Variants in ZNF507 observed in about 807,000 individuals in gnomAD.
ZNF507 encodes the protein zinc finger protein 507.
ZNF507 carries 29 observed loss-of-function variants against 80.0 expected under a neutral mutation model. That is an observed-to-expected ratio of 0.36 (90% CI 0.27 to 0.49). The LOEUF (loss-of-function observed/expected upper bound fraction) is 0.49. Among genes scored for constraint, ZNF507 ranks in the 20% least tolerant of loss-of-function variants. The pLI is 0.98. For missense variants in ZNF507, 1,081 were observed against 1,152.2 expected (o/e 0.94, Z 0.90); for synonymous variants, 462 against 422.5 (o/e 1.09, Z -1.15).
chr19:32,380,763 G>T, intron 5 of ZNF507: 1 of 813,060 alleles, frequency 1.2e-6, no homozygotes, highest in Non-Finnish European at 2.0e-6. Context: ...TTGCCCAAAT[G>T]ATGACAACTT....
In ZNF507 at chr19:32,360,628, A is replaced by G; in HGVS notation, c.2360+10A>G. On this transcript the variant is annotated intron_variant, in intron 5 of 6. Coordinates refer to ENST00000355898, the MANE Select transcript of ZNF507 (RefSeq NM_001136156.2). ...CTGATAAGCCGTACAGGTAAGTGTT[A>G]TGATTCTAGAATTTTAATGTTTGTA... 7.0e-7 allele frequency: 1 copy of G among 1,437,590 alleles called. No individual in the cohort carries two copies. 89.1% of individuals were successfully genotyped at this position (1,437,590 alleles called of 1,614,324 possible).
intron 5 of ZNF507, among the ~76,000 whole-genome samples, chr19:32,363,414 C>T (rs565758554): frequency 3.9e-5 from 6 of 152,278 alleles, no homozygotes; most frequent in African/African-American, 9.6e-5. Flanking sequence ...GTTCCTTTCT[C>T]GTGCTTTTGC....
intron 2 of ZNF507, among the ~76,000 whole-genome samples, chr19:32,348,386 C>G (rs184201676): frequency 1.3e-5 from 2 of 151,738 alleles, no homozygotes; most frequent in African/African-American, 4.8e-5. Flanking sequence ...TACTTTTCTT[C>G]ATATAAACAC....
At chr19:32,351,759 C>G (rs935301790) in intron 2 of ZNF507, among the ~76,000 whole-genome samples, 2 of 151,662 alleles carry the variant, frequency 1.3e-5, no homozygotes, top group African/African-American at 4.9e-5. Context: ...CCAGAATGCA[C>G]CTAAAATGTG....
At chr19:32,370,106 G>C (rs950792385) in intron 5 of ZNF507, among the ~76,000 whole-genome samples, 2 of 152,254 alleles carry the variant, frequency 1.3e-5, no homozygotes, top group Non-Finnish European at 2.9e-5. Flanking sequence ...GCGTGCATAC[G>C]TGTGTGCGCA....
Position 32,354,746 on chromosome 19 carries a change from G to C in ZNF507, c.1916G>C (p.Arg639Pro). 2 of 1,614,148 alleles carry C rather than the reference G, an allele frequency of 1.2e-6. No individual in the cohort carries two copies. The highest frequency in any genetic ancestry group is 1.1e-5 in the South Asian group (1 of 91,074). ...GTGGAATACATCCCGAATGCTGAAC[G>C]ACCCTACCGTTGCCGCCTGTGTCAC... Reference protein sequence around the residue: ...NVVEYIPNAERPYRCRLCHYT... With the variant: ...NVVEYIPNAEPPYRCRLCHYT... Residue 639 changes from arginine (R) to proline (P), a missense_variant, in exon 3 of 7, where the codon CGA becomes CCA. Physicochemically the swap from Arg to Pro is moderately radical, Grantham distance 103. This residue lies in a region of ZNF507 where 614 missense variants were observed against 583.9 expected (regional missense o/e 1.05). Transcript: ENST00000355898.
At chr19:32,368,858 GTTGT>G (rs1568307385) in intron 5 of ZNF507, among the ~76,000 whole-genome samples, 1 of 152,138 alleles carries the variant, frequency 6.6e-6, no homozygotes, top group African/African-American at 2.4e-5. Context: ...TATTGAAATC[GTTGT>G]TTATGTGTTC....
intron 2 of ZNF507, among the ~76,000 whole-genome samples, chr19:32,349,920 A>G (rs1021080846): frequency 6.6e-6 from 1 of 152,202 alleles, no homozygotes. Context: ...AGTATCACCA[A>G]GGTAATTGTT....
Position 32,354,452 on chromosome 19 carries a change from C to T in ZNF507, c.1622C>T (p.Ser541Leu). ...GTAGATAGTACATTGGCAGCGTACT[C>T]AAAAATGATGTCGCCACTTAAAAAC... ...RQVDSTLAAY[S>L]KMMSPLKNSS... The change falls in exon 3 of 7, where the codon TCA becomes TTA. Residue 541 changes from serine to leucine, a missense_variant. Transcript: ENST00000355898. 1 of 1,614,082 alleles carries T rather than the reference C, an allele frequency of 6.2e-7. No individual in the cohort carries two copies. The highest frequency in any genetic ancestry group is 8.5e-7 in the Non-Finnish European group (1 of 1,180,018).
At chr19:32,351,471 G>GTGT (rs56408758) in intron 2 of ZNF507, among the ~76,000 whole-genome samples, 109 of 123,254 alleles carry the variant, frequency 8.8e-4, no homozygotes, top group Non-Finnish European at 1.0e-3. Context: ...GTGTGTGTGT[G>GTGT]GCGTGGGGGG....
chr19:32,375,394 A>T (rs773925712), intron 5 of ZNF507, among the ~76,000 whole-genome samples: 2 of 152,238 alleles, frequency 1.3e-5, no homozygotes, highest in African/African-American at 4.8e-5. Context: ...CACAAGAAAC[A>T]TGAAGGACAC....
intron 4 of ZNF507, chr19:32,358,913 A>G (rs752422806): frequency 6.6e-6 from 1 of 152,254 alleles, no homozygotes; most frequent in Non-Finnish European, 1.5e-5. Flanking sequence ...ACTGGTAGAA[A>G]GTGGCAGAGC....
Position 32,345,776 on chromosome 19 carries a change from G to T in ZNF507, c.-104G>T. On this transcript the variant is annotated 5_prime_UTR_variant, in exon 1 of 7. An upstream open reading frame in the 5' UTR loses its in-frame stop. Transcript: ENST00000355898. The stretch of plus-strand genomic sequence containing the variant: ...CTCGCGGAAGCAGCAGCCGCCGCCT[G>T]ACCGCAGGTACCGCGCCCCGGGGCC... The T allele has an allele frequency of 6.5e-6, 1 of 154,486 alleles. No individual in the cohort carries two copies. Among genetic ancestry groups the T allele is most frequent in the South Asian group, 1.9e-4 (1 of 5,222 alleles). 9.6% of individuals were successfully genotyped at this position (154,486 alleles called of 1,614,324 possible). A position where few individuals can be genotyped will look rare whatever the true frequency, so the allele number is the denominator to read the frequency against.
In ZNF507 at chr19:32,354,194, T is replaced by A. The variant is rs368028755; in HGVS notation, c.1364T>A (p.Ile455Asn). ...DKCTVDIGGL[I>N]IGWSSSEKKD... Reference sequence around the variant, plus strand: ...TGTACTGTTGATATTGGGGGATTGATCATAGGCTGGAGCAGTTCAGAGAAA... The same window carrying A: ...TGTACTGTTGATATTGGGGGATTGAACATAGGCTGGAGCAGTTCAGAGAAA... The change falls in exon 3 of 7, where the codon ATC (isoleucine) becomes AAC (asparagine). Residue 455 changes from isoleucine to asparagine, a missense_variant. Physicochemically the swap from Ile to Asn is moderately radical, Grantham distance 149. Around this residue, in one of 6 missense-constraint regions of ZNF507, gnomAD observed 614 missense variants for 583.9 expected, o/e 1.05. Transcript: ENST00000355898. The A allele has an allele frequency of 4.3e-6, 7 of 1,613,408 alleles. No individual in the cohort carries two copies. Among genetic ancestry groups the A allele is most frequent in the Non-Finnish European group, 5.9e-6 (7 of 1,180,034 alleles).
chr19:32,375,715 A>G (rs981390040), intron 5 of ZNF507, among the ~76,000 whole-genome samples: 4 of 152,244 alleles, frequency 2.6e-5, no homozygotes, highest in Admixed American at 2.0e-4. Flanking sequence ...GTACGGATTC[A>G]TCACTTTTAT....
chr19:32,382,395 T>TA (rs943985307), intron 5 of ZNF507, 72 bp from the exon 6 acceptor site: 47 of 1,565,334 alleles, frequency 3.0e-5, no homozygotes, highest in Non-Finnish European at 3.7e-5. Context: ...TAATAATTGT[T>TA]ACAGAATCAT....
At position 32,385,512 on chromosome 19, in the gene ZNF507, T is replaced by G. The variant is rs1313735679; in HGVS notation, c.*2429T>G. On this transcript the variant is annotated 3_prime_UTR_variant, in exon 7 of 7. Transcript: ENST00000355898. ...TATGCAATTCTAACTGTAGAAGAGA[T>G]AGCTATTAAAATAATCAGTAGCCTG... 4 of 152,170 alleles carry G rather than the reference T, an allele frequency of 2.6e-5. No homozygotes were observed. The East Asian group carries it at 7.7e-4, about 29-fold the overall frequency. 9.4% of individuals were successfully genotyped at this position (152,170 alleles called of 1,614,324 possible).
At chr19:32,372,323 T>C (rs940200151) in intron 5 of ZNF507, among the ~76,000 whole-genome samples, 1 of 152,152 alleles carries the variant, frequency 6.6e-6, no homozygotes, top group African/African-American at 2.4e-5. Flanking sequence ...GTGCAAGGAA[T>C]ATAGATTATA....
chr19:32,346,315 T>A (rs1471959419), intron 1 of ZNF507, among the ~76,000 whole-genome samples: 1 of 152,140 alleles, frequency 6.6e-6, no homozygotes, highest in Non-Finnish European at 1.5e-5. Flanking sequence ...CAGGGAAAGT[T>A]CCCACCTCTT....
Sources: allele counts gnomAD v4.1 joint callset (sites outside exome capture counted in the v4.1 genomes callset), GRCh38; gene constraint gnomAD v4.1.1; regional missense constraint gnomAD v4.1.1; transcripts MANE v1.5; gene names NCBI Gene and HGNC (gene_info 2026-07-23, HGNC 2026-07-21).